The following PRKAR1A variants were observed in gnomAD, a reference collection of about 807,000 sequenced individuals.
PRKAR1A encodes the protein cAMP-dependent protein kinase type I-alpha regulatory subunit.
In PRKAR1A, 3 loss-of-function variants were observed where a neutral mutation model predicts 52.0. The ratio of observed to expected loss-of-function variants is 0.06; its 90% CI spans 0.03 to 0.15. The LOEUF is 0.15. Among genes scored for constraint, PRKAR1A ranks in the 10% least tolerant of loss-of-function variants. The pLI is 1.00. For missense variants in PRKAR1A, 240 were observed against 477.4 expected (o/e 0.50, Z 4.63); for synonymous variants, 188 against 168.4 (o/e 1.12, Z -0.90).
At chr17:68,516,818 A>T (rs892200350) in intron 2 of PRKAR1A, among the ~76,000 whole-genome samples, 3 of 152,112 alleles carry the variant, frequency 2.0e-5, no homozygotes, top group Admixed American at 6.5e-5. Flanking sequence ...TTATTTATGC[A>T]ATTTCCAAAT....
chr17:68,452,971 T>C, the PRKAR1A span: 2 of 1,614,032 alleles, frequency 1.2e-6, no homozygotes, highest in Non-Finnish European at 1.7e-6. Flanking sequence ...TATACCCGGC[T>C]TTAGTTCCAG....
At chr17:68,424,207 G>A in the PRKAR1A span, among the ~76,000 whole-genome samples, 32 of 152,244 alleles carry the variant, frequency 2.1e-4, no homozygotes, top group East Asian at 9.6e-4. Flanking sequence ...ACTGCTCTCC[G>A]CCACTGAGAT....
At chr17:68,540,041 G>T in intron 11 of PRKAR1A, 1 of 1,282,278 alleles carries the variant, frequency 7.8e-7, no homozygotes, top group Non-Finnish European at 1.1e-6. Context: ...GTTCTCTCCA[G>T]GGAACGGAGG....
rs948224533 is a variant in PRKAR1A, at chr17:68,539,443, C to T, written c.973+9442C>T. On this transcript the variant is annotated intron_variant, in intron 11 of 11. Coordinates refer to the PRKAR1A transcript ENST00000585981. The stretch of plus-strand genomic sequence containing the variant: ...TATGGGTGGCCGGCAGCATCCTTTG[C>T]ATTCCCCTGAGGCTTCCTCTCTCCT... 8 of 1,551,350 alleles carry T rather than the reference C, an allele frequency of 5.2e-6. No homozygotes were observed. In the Admixed American group the frequency reaches 6.7e-5, roughly 13 times the overall value.
chr17:68,431,155 C>A, the PRKAR1A span, among the ~76,000 whole-genome samples: 1 of 152,120 alleles, frequency 6.6e-6, no homozygotes, highest in African/African-American at 2.4e-5. Context: ...TGAGAGAGCA[C>A]GGGTGTATAC....
At chr17:68,447,613 ACTCCTGGG>A in the PRKAR1A span, among the ~76,000 whole-genome samples, 1 of 151,882 alleles carries the variant, frequency 6.6e-6, no homozygotes, top group African/African-American at 2.4e-5. Flanking sequence ...CTGGACTCAA[ACTCCTGGG>A]CTCAAGCGAT....
rs1054803332 is a variant in PRKAR1A, at chr17:68,530,916, G to C, written c.*467G>C. On this transcript the variant is annotated 3_prime_UTR_variant, in exon 11 of 11. Coordinates refer to ENST00000589228, the MANE Select transcript of PRKAR1A (RefSeq NM_002734.5). ...TAAACTCTAAAGATTAGGGAAAATG[G>C]ATATAGAAAATCTTAGTATAGTAGA... 9.0e-7 allele frequency: 1 copy of C among 1,112,082 alleles called. No homozygotes were observed. Among genetic ancestry groups the C allele is most frequent in the African/African-American group, 1.6e-5 (1 of 62,670 alleles). The allele number at this position is 1,112,082 out of a possible 1,614,324, so 68.9% of individuals were successfully genotyped here. A position where few individuals can be genotyped will look rare whatever the true frequency, so the allele number is the denominator to read the frequency against.
chr17:68,486,505 CCT>C, the PRKAR1A span, among the ~76,000 whole-genome samples: 8 of 39,152 alleles, frequency 2.0e-4, no homozygotes, highest in African/African-American at 7.6e-4. Flanking sequence ...TTCCTTCCTT[CCT>C]TCTTTCTTTC....
chr17:68,424,463 A>C, the PRKAR1A span: 1 of 534,702 alleles, frequency 1.9e-6, no homozygotes, highest in Non-Finnish European at 3.8e-6. Flanking sequence ...TGGAAGCTCA[A>C]TGGACACAAA....
chr17:68,464,702 A>AC, the PRKAR1A span, among the ~76,000 whole-genome samples: 47 of 54,998 alleles, frequency 8.5e-4, 1 homozygote, highest in Middle Eastern at 0.01. Context: ...AAAAAAACAA[A>AC]AAAAACAAAA....
chr17:68,434,509 G>A, the PRKAR1A span: 11 of 1,604,808 alleles, frequency 6.9e-6, no homozygotes, highest in Admixed American at 3.4e-5. Context: ...CGGTCCCTGC[G>A]GGACTTCTGC....
chr17:68,472,673 C>T, the PRKAR1A span, among the ~76,000 whole-genome samples: 4 of 152,096 alleles, frequency 2.6e-5, no homozygotes, highest in African/African-American at 9.7e-5. Flanking sequence ...TGGCTGGGTG[C>T]AGTAGCTCAT....
intron 8 of PRKAR1A, 24 bp downstream of exon 8, chr17:68,527,924 T>A (rs370879039): frequency 1.6e-4 from 247 of 1,585,382 alleles, no homozygotes; most frequent in Non-Finnish European, 2.0e-4. Context: ...TGTGTTAACT[T>A]TGCTAGTATG....
the PRKAR1A span, among the ~76,000 whole-genome samples, chr17:68,469,929 C>T: frequency 2.1e-4 from 32 of 152,006 alleles, no homozygotes; most frequent in Non-Finnish European, 8.8e-5. Flanking sequence ...TTTGTTTTTG[C>T]ATATCTCTTT....
At chr17:68,473,109 A>G in the PRKAR1A span, among the ~76,000 whole-genome samples, 1 of 152,210 alleles carries the variant, frequency 6.6e-6, no homozygotes, top group Non-Finnish European at 1.5e-5. Flanking sequence ...CTCTTGGCAA[A>G]TGCTGGATCA....
At chr17:68,420,974 G>T in the PRKAR1A span, 1 of 156,154 alleles carries the variant, frequency 6.4e-6, no homozygotes, top group African/African-American at 2.4e-5. Context: ...GTACTCACTG[G>T]TCTCCATCTT....
rs753970251 is a variant in PRKAR1A, at chr17:68,525,741, A to G, written c.550-13A>G. On this transcript the variant is annotated splice_polypyrimidine_tract_variant and intron_variant, in intron 6 of 10. Transcript: ENST00000589228. Reference sequence around the variant, plus strand: ...CTAGAAAATAAACTTTTTTGATGTCACTTGCACTTTAGGTCTATGTTAACA... The same window carrying G: ...CTAGAAAATAAACTTTTTTGATGTCGCTTGCACTTTAGGTCTATGTTAACA... 1.1e-5 allele frequency: 18 copies of G among 1,613,656 alleles called. No individual in the cohort carries two copies. The highest frequency in any genetic ancestry group is 1.5e-5 in the Non-Finnish European group (18 of 1,179,764).
At chr17:68,516,867 G>A (rs1348321783) in intron 2 of PRKAR1A, among the ~76,000 whole-genome samples, 1 of 152,204 alleles carries the variant, frequency 6.6e-6, no homozygotes, top group Non-Finnish European at 1.5e-5. Flanking sequence ...GATGTAGCTT[G>A]TTTTGAAGTC....
At chr17:68,542,809 C>A in intron 11 of PRKAR1A, 1 of 1,610,698 alleles carries the variant, frequency 6.2e-7, no homozygotes, top group Admixed American at 1.7e-5. Context: ...AGTCCAGAAT[C>A]CTGCAAGAGA....
Sources: allele counts gnomAD v4.1 joint callset (sites outside exome capture counted in the v4.1 genomes callset), GRCh38; gene constraint gnomAD v4.1.1; transcripts MANE v1.5; gene names NCBI Gene and HGNC (gene_info 2026-07-23, HGNC 2026-07-21).